Variants in MCPH1 observed in about 807,000 individuals in gnomAD.
The protein encoded by MCPH1 is microcephalin 1.
Under a neutral mutation model 84.5 loss-of-function variants are expected in MCPH1, and 104 were observed. The observed-to-expected ratio is 1.23, with a 90% CI of 1.05 to 1.45. The LOEUF (loss-of-function observed/expected upper bound fraction) is 1.45. MCPH1 is among the 40% of genes most tolerant of loss of function. The pLI is 0.00. For synonymous variants in MCPH1, 514 were observed against 366.8 expected, an observed-to-expected ratio of 1.40 and a Z score of -4.58; for missense variants, 1,498 against 1,005.7, an observed-to-expected ratio of 1.49 and a Z score of -6.62.
chr8:6,516,910 A>G (rs1816374929), intron 12 of MCPH1, among the ~76,000 whole-genome samples: 1 of 152,232 alleles, frequency 6.6e-6, no homozygotes, highest in African/African-American at 2.4e-5. Context: ...CACTGCCAGC[A>G]CATAAATGAT....
Position 6,477,647 on chromosome 8 carries a change from G to C in MCPH1, c.1973+16G>C, listed in dbSNP as rs764484305. The stretch of plus-strand genomic sequence containing the variant: ...TGCCATCTGAGTAAGTACTTGTTTT[G>C]ATTTCTGTTCAATGTAAAATGTTAA... On this transcript the variant is annotated intron_variant, in intron 10 of 13. Transcript: ENST00000344683. 1.9e-6 allele frequency: 3 copies of C among 1,608,408 alleles called. No individual in the cohort carries two copies. Among genetic ancestry groups the C allele is most frequent in the Middle Eastern group, 1.7e-4 (1 of 5,996 alleles).
At chr8:6,549,702 C>T (rs1299913720) in intron 12 of MCPH1, among the ~76,000 whole-genome samples, 1 of 151,216 alleles carries the variant, frequency 6.6e-6, no homozygotes, top group African/African-American at 2.4e-5. Flanking sequence ...GCTGGGCGGT[C>T]ATTACACAGG....
At chr8:6,574,530 C>T (rs1563145606) in intron 12 of MCPH1, among the ~76,000 whole-genome samples, 1 of 152,220 alleles carries the variant, frequency 6.6e-6, no homozygotes, top group East Asian at 1.9e-4. Flanking sequence ...CTATCCATAA[C>T]ACTTACGATG....
intron 13 of MCPH1, among the ~76,000 whole-genome samples, chr8:6,622,428 C>A (rs1831550395): frequency 6.6e-6 from 1 of 152,194 alleles, no homozygotes; most frequent in Non-Finnish European, 1.5e-5. Context: ...GCGGAGGAAG[C>A]AGGGGCAGCG....
chr8:6,411,061 G>A (rs189820722), intron 2 of MCPH1, among the ~76,000 whole-genome samples: 19 of 152,264 alleles, frequency 1.2e-4, no homozygotes, highest in African/African-American at 4.3e-4. Flanking sequence ...CTGCACTCCA[G>A]CCTGGGCGAC....
At chr8:6,503,364 T>C in intron 12 of MCPH1, 1 of 1,204,114 alleles carries the variant, frequency 8.3e-7, no homozygotes, top group Non-Finnish European at 1.2e-6. Flanking sequence ...TGCAGGCGTG[T>C]GGAGTAGGCA....
intron 11 of MCPH1, among the ~76,000 whole-genome samples, chr8:6,497,844 A>C (rs1401476706): frequency 1.3e-5 from 2 of 152,238 alleles, no homozygotes; most frequent in East Asian, 3.8e-4. Context: ...TTAATATAAT[A>C]GATACATTGA....
chr8:6,626,479 T>TTTG (rs1240823159), intron 13 of MCPH1: 1 of 969,104 alleles, frequency 1.0e-6, no homozygotes, highest in Non-Finnish European at 1.2e-6. Flanking sequence ...GTTTTGTTTT[T>TTTG]TTTTTTTTTT....
chr8:6,505,579 T>A (rs1813428780), intron 12 of MCPH1, among the ~76,000 whole-genome samples: 1 of 120,244 alleles, frequency 8.3e-6, no homozygotes, highest in African/African-American at 3.1e-5. Flanking sequence ...ATAGAATGTA[T>A]ATTCTTTTTG....
chr8:6,489,879 T>TGAAAAAGTTATG (rs1291374983), intron 11 of MCPH1, among the ~76,000 whole-genome samples: 4 of 152,224 alleles, frequency 2.6e-5, no homozygotes, highest in African/African-American at 9.6e-5. Context: ...ATTATGTATA[T>TGAAAAAGTTATG]TAATGAAAAA....
At chr8:6,573,641 G>A (rs950041705) in intron 12 of MCPH1, among the ~76,000 whole-genome samples, 1 of 137,096 alleles carries the variant, frequency 7.3e-6, no homozygotes, top group Non-Finnish European at 1.5e-5. Context: ...GGCCTGAGTG[G>A]TTCAGACAGA....
rs545748479 is a variant in MCPH1 at position 6,557,952 on chromosome 8, G to A, written c.2214+58023G>A. Among the ~76,000 whole-genome samples, 46 of 152,230 alleles carry A rather than the reference G, an allele frequency of 3.0e-4. 1 individual carries two copies. Among genetic ancestry groups the A allele is most frequent in the African/African-American group, 1.1e-3 (45 of 41,532 alleles). On this transcript the variant is annotated intron_variant, in intron 12 of 13. Coordinates refer to ENST00000344683, the MANE Select transcript of MCPH1 (RefSeq NM_024596.5). ...ACCTCCTTTCTTCCCTGTCAAAACA[G>A]TTGTGCCACGTCCTCCCCCTCTTCC...
intron 12 of MCPH1, among the ~76,000 whole-genome samples, chr8:6,504,109 G>C (rs962159362): frequency 6.6e-6 from 1 of 152,076 alleles, no homozygotes; most frequent in African/African-American, 2.4e-5. Flanking sequence ...ACGAGATCAG[G>C]AGACCGAGAC....
intron 12 of MCPH1, among the ~76,000 whole-genome samples, chr8:6,598,896 C>G (rs1329015714): frequency 6.6e-6 from 1 of 152,274 alleles, no homozygotes; most frequent in African/African-American, 2.4e-5. Flanking sequence ...TTGCTCTCAT[C>G]TCAGCTCAGC....
intron 12 of MCPH1, among the ~76,000 whole-genome samples, chr8:6,529,486 C>G (rs1334298000): frequency 6.7e-6 from 1 of 148,922 alleles, no homozygotes; most frequent in Non-Finnish European, 1.5e-5. Flanking sequence ...GAGTCTCACT[C>G]TGTTGCCCAG....
intron 6 of MCPH1, 32 bp downstream of exon 6, chr8:6,439,128 G>T (rs1419881116): frequency 1.3e-6 from 2 of 1,598,876 alleles, no homozygotes; most frequent in Non-Finnish European, 1.7e-6. Flanking sequence ...TGAAAATTAT[G>T]CAAATAGCCG....
intron 3 of MCPH1, among the ~76,000 whole-genome samples, chr8:6,417,096 G>T (rs184537449): frequency 1.3e-5 from 2 of 151,872 alleles, no homozygotes; most frequent in South Asian, 4.1e-4. Context: ...AATTTATTTT[G>T]TTTAGATTTT....
chr8:6,480,872 A>G lies in MCPH1; in HGVS notation c.2132A>G (p.Asp711Gly), dbSNP rs1301828537. 2 of 1,613,914 alleles carry G rather than the reference A, an allele frequency of 1.2e-6. No individual in the cohort carries two copies. The highest frequency in any genetic ancestry group is 8.5e-7 in the Non-Finnish European group (1 of 1,180,022). ...IARGCWVLSY[D>G]WVLWSLELGH... ...CGTGGCTGCTGGGTTCTCTCTTATG[A>G]TTGGGTAAGCCCTGTGTGTGAACTG... Residue 711 changes from aspartate (D) to glycine (G), a missense_variant, in exon 11 of 14, where the codon GAT (aspartate) becomes GGT (glycine). Coordinates refer to ENST00000344683, the MANE Select transcript of MCPH1 (RefSeq NM_024596.5).
At chr8:6,411,481 G>T (rs1474205517) in intron 2 of MCPH1, among the ~76,000 whole-genome samples, 1 of 152,220 alleles carries the variant, frequency 6.6e-6, no homozygotes, top group South Asian at 2.1e-4. Flanking sequence ...TGCCAGAGAA[G>T]CCTTAAGGTG....
Sources: gnomAD v4.1 joint callset for allele counts (sites outside exome capture counted in the v4.1 genomes callset) on GRCh38, gnomAD v4.1.1 for gene constraint, MANE v1.5 for transcripts, NCBI Gene and HGNC (gene_info 2026-07-23, HGNC 2026-07-21) for gene names.